The following GALNT10 variants were observed in gnomAD, a reference collection of about 807,000 sequenced individuals.
GALNT10 encodes the protein GalNAc transferase 10.
A neutral mutation model predicts 75.0 loss-of-function variants in GALNT10; 41 were observed. That is an observed-to-expected ratio of 0.55 (90% CI 0.43 to 0.71). The LOEUF is 0.71. Among genes scored for constraint, GALNT10 ranks in the 30% least tolerant of loss-of-function variants. GALNT10 has a pLI of 0.00. For synonymous variants in GALNT10, 302 were observed against 313.0 expected (o/e 0.96, Z 0.37); for missense variants, 727 against 818.5 (o/e 0.89, Z 1.36).
chr5:154,288,442 G>T (rs1754145699), intron 1 of GALNT10, among the ~76,000 whole-genome samples: 1 of 142,414 alleles, frequency 7.0e-6, no homozygotes, highest in Non-Finnish European at 1.5e-5. Context: ...GTGTGTGTGT[G>T]TTTGAACACT....
intron 1 of GALNT10, among the ~76,000 whole-genome samples, chr5:154,281,575 T>G (rs1424352558): frequency 6.6e-6 from 1 of 152,192 alleles, no homozygotes; most frequent in Non-Finnish European, 1.5e-5. Context: ...TCTTCATAAA[T>G]GCACAGCCAG....
chr5:154,277,971 C>T (rs746677844), intron 1 of GALNT10, among the ~76,000 whole-genome samples: 6 of 146,574 alleles, frequency 4.1e-5, no homozygotes, highest in Non-Finnish European at 7.5e-5. Context: ...CCCTGGAGTA[C>T]CTAACCTAAG....
intron 7 of GALNT10, among the ~76,000 whole-genome samples, chr5:154,394,660 G>A (rs1047793804): frequency 6.6e-6 from 1 of 152,210 alleles, no homozygotes; most frequent in Non-Finnish European, 1.5e-5. Flanking sequence ...GAGGGGTTAA[G>A]TTGCCACACA....
intron 4 of GALNT10, among the ~76,000 whole-genome samples, chr5:154,354,361 G>A (rs1283511391): frequency 6.6e-6 from 1 of 152,204 alleles, no homozygotes; most frequent in Non-Finnish European, 1.5e-5. Flanking sequence ...AAGGGGTGAT[G>A]ACTGCAGCTT....
intron 3 of GALNT10, 179 bp from the exon 4 acceptor site, chr5:154,329,393 G>A: frequency 1.7e-6 from 1 of 603,006 alleles, no homozygotes; most frequent in Non-Finnish European, 3.0e-6. Context: ...GAGATTGGAG[G>A]TAGGACTTTG....
At chr5:154,360,308 G>A (rs903682816) in intron 4 of GALNT10, among the ~76,000 whole-genome samples, 5 of 151,952 alleles carry the variant, frequency 3.3e-5, no homozygotes, top group South Asian at 2.1e-4. Flanking sequence ...AAATTTAGCC[G>A]GGCATGGTGG....
intron 1 of GALNT10, among the ~76,000 whole-genome samples, chr5:154,197,930 T>C (rs927839663): frequency 1.3e-5 from 2 of 152,130 alleles, no homozygotes; most frequent in East Asian, 3.9e-4. Flanking sequence ...TTAACCACCA[T>C]ACTTCCTCCA....
intron 3 of GALNT10, among the ~76,000 whole-genome samples, chr5:154,313,802 T>C (rs1581969098): frequency 6.6e-6 from 1 of 152,022 alleles, no homozygotes; most frequent in Non-Finnish European, 1.5e-5. Context: ...ACAATCAGTA[T>C]GTGTCAGGAG....
chr5:154,214,645 G>A (rs1276947103), intron 1 of GALNT10, among the ~76,000 whole-genome samples: 1 of 152,128 alleles, frequency 6.6e-6, no homozygotes, highest in Admixed American at 6.5e-5. Context: ...ACACACCGAG[G>A]TTATGAGTAA....
At chr5:154,396,132 G>C (rs1756014808) in intron 7 of GALNT10, among the ~76,000 whole-genome samples, 1 of 152,130 alleles carries the variant, frequency 6.6e-6, no homozygotes, top group African/African-American at 2.4e-5. Context: ...TCCACCCTTG[G>C]CAGTTCGTTT....
At chr5:154,275,885 G>C (rs1344615940) in intron 1 of GALNT10, among the ~76,000 whole-genome samples, 1 of 152,180 alleles carries the variant, frequency 6.6e-6, no homozygotes, top group Non-Finnish European at 1.5e-5. Context: ...ACAAAGGTTT[G>C]CCCAAGTTCA....
At chr5:154,386,967 T>G (rs1755817576) in intron 7 of GALNT10, 1 of 162,098 alleles carries the variant, frequency 6.2e-6, no homozygotes, top group Non-Finnish European at 1.3e-5. Context: ...TTGGGCAAGT[T>G]AGATCACCCC....
In GALNT10 at chr5:154,219,832, T is replaced by TCACACACACACACACACACA. The variant is rs775014222; in HGVS notation, c.159+28808_159+28809insACACACACACACACACACAC. On this transcript the variant is annotated intron_variant, in intron 1 of 11. Transcript: ENST00000297107. ...CTCGCGCTCTCTCTCTCTCTCTCTCTCTCTCTCACACACACACACACACAC... is the reference window on the plus strand; with the variant it reads ...CTCGCGCTCTCTCTCTCTCTCTCTCTCACACACACACACACACACACTCTCTCACACACACACACACACAC... 3.7e-4 allele frequency among the ~76,000 whole-genome samples: 30 copies of TCACACACACACACACACACA among 80,214 alleles called. No homozygotes were observed. The East Asian group carries it at 8.9e-3, about 24-fold the overall frequency. 52.6% of individuals were successfully genotyped at this position (80,214 alleles called of 152,430 possible). A position where few individuals can be genotyped will look rare whatever the true frequency, so the allele number is the denominator to read the frequency against.
chr5:154,242,295 A>G (rs777616445), intron 1 of GALNT10, among the ~76,000 whole-genome samples: 25 of 152,094 alleles, frequency 1.6e-4, no homozygotes, highest in Non-Finnish European at 3.1e-4. Flanking sequence ...AGGAGGGTAC[A>G]GTCTCTGCCC....
chr5:154,400,343 G>A (rs1756133402), intron 7 of GALNT10, among the ~76,000 whole-genome samples: 1 of 152,164 alleles, frequency 6.6e-6, no homozygotes, highest in East Asian at 1.9e-4. Flanking sequence ...TGGTGCAGAG[G>A]TGATCACTGG....
rs139778455 is a variant in GALNT10, at chr5:154,281,815, T to C, written c.160-13001T>C. Among the ~76,000 whole-genome samples, 718 of 152,332 alleles carry C rather than the reference T, an allele frequency of 4.7e-3. 7 individuals are homozygous for C. The highest frequency in any genetic ancestry group is 0.016 in the African/African-American group (675 of 41,576). On this transcript the variant is annotated intron_variant, in intron 1 of 11. Coordinates refer to ENST00000297107, the MANE Select transcript of GALNT10 (RefSeq NM_198321.4). ...CTGCCCCCTGAAGTCCTCAAGAACCTGTACTCCCTTCTGATGGCTTCAGCC... is the reference window on the plus strand; with the variant it reads ...CTGCCCCCTGAAGTCCTCAAGAACCCGTACTCCCTTCTGATGGCTTCAGCC...
intron 4 of GALNT10, among the ~76,000 whole-genome samples, chr5:154,362,755 C>T (rs977837141): frequency 1.3e-5 from 2 of 152,140 alleles, no homozygotes; most frequent in East Asian, 1.9e-4. Flanking sequence ...TGAATTCTTC[C>T]GGTGATGGAC....
Position 154,396,910 on chromosome 5 carries a change from A to C in GALNT10, c.1057-7194A>C, listed in dbSNP as rs2882671. On this transcript the variant is annotated intron_variant, in intron 7 of 11. Transcript: ENST00000297107. ...GGGAGGCCAAGGAGGGTGGATCACT[A>C]GAGGTCAGGAGTTCGAGACCAGCCT... Among the ~76,000 whole-genome samples, 4 of 151,894 alleles carry C rather than the reference A, an allele frequency of 2.6e-5. No individual in the cohort carries two copies. The East Asian group carries it at 7.7e-4, about 29-fold the overall frequency.
intron 7 of GALNT10, chr5:154,403,862 T>A: frequency 1.8e-6 from 1 of 568,316 alleles, no homozygotes; most frequent in Admixed American, 3.0e-5. Flanking sequence ...GAGGCTTAAG[T>A]GTGGTTGTGC....
Sources: gnomAD v4.1 joint callset for allele counts (sites outside exome capture counted in the v4.1 genomes callset) on GRCh38, gnomAD v4.1.1 for gene constraint, MANE v1.5 for transcripts, NCBI Gene and HGNC (gene_info 2026-07-23, HGNC 2026-07-21) for gene names.